RCOR1: variants seen among roughly 807,000 people sequenced by gnomAD.
The protein encoded by RCOR1 is REST corepressor 1, also known as REST corepressor.
Under a neutral mutation model 64.0 loss-of-function variants are expected in RCOR1, and 12 were observed. The observed-to-expected ratio is 0.19, with a 90% CI of 0.12 to 0.30. RCOR1 has a LOEUF of 0.30. Ranked by LOEUF, RCOR1 falls within the 10% of genes least tolerant of loss-of-function variation. The pLI is 1.00. For synonymous variants in RCOR1, 279 were observed against 227.2 expected (o/e 1.23, Z -2.05); for missense variants, 502 against 621.2 (o/e 0.81, Z 2.04).
chr14:102,633,773 A>G (rs1282701047), intron 2 of RCOR1, among the ~76,000 whole-genome samples: 1 of 152,106 alleles, frequency 6.6e-6, no homozygotes, highest in African/African-American at 2.4e-5. Flanking sequence ...TCCTGACCTC[A>G]GGTGATCCAC....
At chr14:102,642,705 A>C (rs1024100742) in intron 2 of RCOR1, among the ~76,000 whole-genome samples, 1 of 152,106 alleles carries the variant, frequency 6.6e-6, no homozygotes, top group Admixed American at 6.5e-5. Flanking sequence ...GTATGGTGGC[A>C]CATGCCTATG....
intron 2 of RCOR1, among the ~76,000 whole-genome samples, chr14:102,620,118 A>G (rs1408881026): frequency 1.3e-5 from 2 of 152,196 alleles, no homozygotes; most frequent in South Asian, 2.1e-4. Context: ...GGCTGGGTGC[A>G]GTGACTCACT....
Position 102,656,836 on chromosome 14 carries a change from C to T in RCOR1, c.362-25059C>T, listed in dbSNP as rs913147762. Reference sequence around the variant, plus strand: ...TGTCGCCCAGGGTGTAGTGCAGTCGCGCAATCTCAGCTCACTGCAACCTCC... The same window carrying T: ...TGTCGCCCAGGGTGTAGTGCAGTCGTGCAATCTCAGCTCACTGCAACCTCC... On this transcript the variant is annotated intron_variant, in intron 2 of 11. Coordinates refer to ENST00000262241, the MANE Select transcript of RCOR1 (RefSeq NM_015156.4). Among the ~76,000 whole-genome samples the T allele has an allele frequency of 4.0e-5, 6 of 150,858 alleles. No individual in the cohort carries two copies. The East Asian group carries it at 9.8e-4, about 25-fold the overall frequency.
intron 2 of RCOR1, among the ~76,000 whole-genome samples, chr14:102,669,796 G>A (rs1894994741): frequency 6.6e-6 from 1 of 152,104 alleles, no homozygotes; most frequent in African/African-American, 2.4e-5. Flanking sequence ...CATTCCCTTT[G>A]ATTTCTATCT....
rs1207488797 is a variant in RCOR1 at position 102,729,552 on chromosome 14, CCT to C, written c.*3049_*3050del. Reference sequence around the variant, plus strand: ...TATAAGACGTTCTGATGCTCACAAACCTCTATTCAACACACAAAACAAACATG... The same window carrying C: ...TATAAGACGTTCTGATGCTCACAAACCTATTCAACACACAAAACAAACATG... On this transcript the variant is annotated 3_prime_UTR_variant, in exon 12 of 12. Transcript: ENST00000262241. The C allele has an allele frequency of 3.7e-6, 1 of 271,162 alleles. No individual in the cohort carries two copies. Among genetic ancestry groups the C allele is most frequent in the Non-Finnish European group, 6.9e-6 (1 of 145,834 alleles). 16.8% of individuals were successfully genotyped at this position (271,162 alleles called of 1,614,324 possible). A position where few individuals can be genotyped will look rare whatever the true frequency, so the allele number is the denominator to read the frequency against.
chr14:102,639,491 T>C (rs372295972), intron 2 of RCOR1, among the ~76,000 whole-genome samples: 1 of 145,676 alleles, frequency 6.9e-6, no homozygotes, highest in East Asian at 2.0e-4. Flanking sequence ...TAATTTATTT[T>C]TTAATTTTTA....
At chr14:102,716,576 A>G (rs1351995639) in intron 8 of RCOR1, among the ~76,000 whole-genome samples, 1 of 152,196 alleles carries the variant, frequency 6.6e-6, no homozygotes, top group Admixed American at 6.5e-5. Context: ...TCATATGAGT[A>G]TCAATTTGGT....
At chr14:102,708,642 T>A in intron 6 of RCOR1, 59 bp downstream of exon 6, 2 of 921,588 alleles carry the variant, frequency 2.2e-6, no homozygotes, top group Non-Finnish European at 3.5e-6. Flanking sequence ...GAGCCCCAGA[T>A]ACACAAAGGC....
At chr14:102,656,207 T>G in intron 2 of RCOR1, 1 of 678,670 alleles carries the variant, frequency 1.5e-6, no homozygotes. Flanking sequence ...TGGTGTGATC[T>G]AGGCTCACTG....
chr14:102,642,002 TGTG>T (rs761007482), intron 2 of RCOR1, among the ~76,000 whole-genome samples: 1 of 152,208 alleles, frequency 6.6e-6, no homozygotes, highest in Non-Finnish European at 1.5e-5. Context: ...CTGGATTTCA[TGTG>T]GTGAATATTT....
At chr14:102,705,040 C>T (rs186349357) in intron 4 of RCOR1, among the ~76,000 whole-genome samples, 27 of 151,972 alleles carry the variant, frequency 1.8e-4, no homozygotes, top group South Asian at 2.1e-4. Context: ...GTGGGAGGAT[C>T]GCGTGAGCCT....
At chr14:102,682,602 T>C (rs1422366311) in intron 3 of RCOR1, among the ~76,000 whole-genome samples, 1 of 152,230 alleles carries the variant, frequency 6.6e-6, no homozygotes, top group African/African-American at 2.4e-5. Context: ...AGCTAGTTGC[T>C]TCAGGTGCCT....
intron 2 of RCOR1, among the ~76,000 whole-genome samples, chr14:102,650,118 A>T (rs1229044486): frequency 6.6e-6 from 1 of 151,524 alleles, no homozygotes; most frequent in East Asian, 1.9e-4. Flanking sequence ...GAATGGTGTG[A>T]ACCTGGGAGG....
rs1179070763 is a variant in RCOR1, at chr14:102,639,110, A to G, written c.362-42785A>G. The stretch of plus-strand genomic sequence containing the variant: ...TTATAACTTGTTGCTAGGCAGATCT[A>G]GCTTGTAATGTATTAAGATTTTCCC... On this transcript the variant is annotated intron_variant, in intron 2 of 11. Coordinates refer to ENST00000262241, the MANE Select transcript of RCOR1 (RefSeq NM_015156.4). Among the ~76,000 whole-genome samples the G allele has an allele frequency of 1.3e-5, 2 of 152,212 alleles. 1 individual carries two copies. Among genetic ancestry groups the G allele is most frequent in the Admixed American group, 1.3e-4 (2 of 15,270 alleles).
chr14:102,711,978 G>T (rs2139988193), intron 7 of RCOR1, among the ~76,000 whole-genome samples: 1 of 151,820 alleles, frequency 6.6e-6, no homozygotes, highest in East Asian at 1.9e-4. Flanking sequence ...GTAATTTTTA[G>T]AACCTTTTAA....
chr14:102,655,723 C>T (rs1295880096), intron 2 of RCOR1, among the ~76,000 whole-genome samples: 6 of 151,986 alleles, frequency 3.9e-5, no homozygotes, highest in African/African-American at 1.4e-4. Flanking sequence ...GAGGCTGAGG[C>T]GAGCGAATTG....
chr14:102,647,673 T>C (rs973436631), intron 2 of RCOR1, among the ~76,000 whole-genome samples: 4 of 152,138 alleles, frequency 2.6e-5, no homozygotes, highest in African/African-American at 9.7e-5. Flanking sequence ...TCTTTATTTT[T>C]ATTTATTTAT....
intron 2 of RCOR1, among the ~76,000 whole-genome samples, chr14:102,681,149 A>AT (rs981660027): frequency 5.9e-5 from 9 of 152,226 alleles, no homozygotes; most frequent in Admixed American, 2.0e-4. Context: ...ATTTAGTTGC[A>AT]TTTTTCCCCC....
At chr14:102,640,466 C>T (rs939123276) in intron 2 of RCOR1, among the ~76,000 whole-genome samples, 1 of 152,192 alleles carries the variant, frequency 6.6e-6, no homozygotes, top group African/African-American at 2.4e-5. Flanking sequence ...TTCCGACTCT[C>T]AAAGACTTGG....
Sources: allele counts gnomAD v4.1 joint callset (sites outside exome capture counted in the v4.1 genomes callset), GRCh38; gene constraint gnomAD v4.1.1; transcripts MANE v1.5; gene names NCBI Gene and HGNC (gene_info 2026-07-23, HGNC 2026-07-21).